The following OSGIN2 variants were observed in gnomAD, a reference collection of about 807,000 sequenced individuals.
OSGIN2 encodes the protein oxidative stress-induced growth inhibitor 2.
OSGIN2 carries 19 observed loss-of-function variants against 53.8 expected under a neutral mutation model. The ratio of observed to expected loss-of-function variants is 0.35; its 90% confidence interval spans 0.25 to 0.52. The LOEUF (loss-of-function observed/expected upper bound fraction) is 0.52. Ranked by LOEUF, OSGIN2 falls within the 20% of genes least tolerant of loss-of-function variation. OSGIN2 has a pLI of 0.95. For synonymous variants in OSGIN2, 236 were observed against 236.0 expected (o/e 1.00, Z 0.00); for missense variants, 520 against 662.7 (o/e 0.78, Z 2.36).
At chr8:89,903,040 C>G (rs1808759667) in intron 1 of OSGIN2, among the ~76,000 whole-genome samples, 1 of 152,286 alleles carries the variant, frequency 6.6e-6, no homozygotes, top group South Asian at 2.1e-4. Context: ...TGCGCTGTTC[C>G]CTTTTCTCGC....
chr8:89,917,218 G>A (rs1809098584), intron 4 of OSGIN2, among the ~76,000 whole-genome samples: 1 of 152,116 alleles, frequency 6.6e-6, no homozygotes, highest in African/African-American at 2.4e-5. Context: ...TCACTCCAGT[G>A]GCTCCACTGT....
At chr8:89,907,281 A>AC (rs547140746) in intron 1 of OSGIN2, among the ~76,000 whole-genome samples, 2 of 151,088 alleles carry the variant, frequency 1.3e-5, no homozygotes, top group East Asian at 1.9e-4. Flanking sequence ...CCATTTGTCA[A>AC]TTTTTTTTTG....
chr8:89,908,766 GAA>G (rs1278416917), intron 1 of OSGIN2, among the ~76,000 whole-genome samples: 1 of 151,890 alleles, frequency 6.6e-6, no homozygotes, highest in Non-Finnish European at 1.5e-5. Flanking sequence ...AATTGAGAAA[GAA>G]AAATTGGAAA....
In OSGIN2 at chr8:89,909,011, CAAAAAAA is replaced by C. The variant is rs35635974; in HGVS notation, c.45-535_45-529del. ...GGGTGACAGAGCAAGACCTTGTTTC[CAAAAAAA>C]AAAAAAAAAAAAAAAAAAAATATAT... is the stretch of plus-strand genomic sequence containing the variant. On this transcript the variant is annotated intron_variant, in intron 1 of 5. Coordinates refer to ENST00000451899, the MANE Select transcript of OSGIN2 (RefSeq NM_001126111.3). 4.4e-3 allele frequency among the ~76,000 whole-genome samples: 167 copies of C among 38,376 alleles called. 1 individual carries two copies. In the East Asian group the frequency reaches 0.077, roughly 18 times the overall value. The allele number at this position is 38,376 out of a possible 152,430, so 25.2% of individuals were successfully genotyped here.
chr8:89,923,434 T>A (rs1274463912), intron 5 of OSGIN2, among the ~76,000 whole-genome samples: 1 of 152,232 alleles, frequency 6.6e-6, no homozygotes, highest in African/African-American at 2.4e-5. Flanking sequence ...CAGTCCCTGA[T>A]TAATCATGGT....
At chr8:89,914,346 TA>T in intron 3 of OSGIN2, 133 bp downstream of exon 3, 1 of 707,202 alleles carries the variant, frequency 1.4e-6, no homozygotes, top group Non-Finnish European at 2.3e-6. Context: ...TTTAGATTCG[TA>T]AATGTATTCT....
chr8:89,918,091 C>T (rs537575944), intron 4 of OSGIN2, among the ~76,000 whole-genome samples: 2 of 152,292 alleles, frequency 1.3e-5, no homozygotes, highest in African/African-American at 4.8e-5. Flanking sequence ...TACCTTCTGC[C>T]ACCGGTTTTC....
intron 1 of OSGIN2, among the ~76,000 whole-genome samples, chr8:89,903,235 G>A (rs894157673): frequency 3.3e-5 from 5 of 152,208 alleles, no homozygotes; most frequent in South Asian, 2.1e-4. Context: ...AAGGAAGGTA[G>A]GGAACTACAT....
chr8:89,916,272 AG>A (rs1180406308), intron 4 of OSGIN2, among the ~76,000 whole-genome samples: 2 of 286 alleles, frequency 7.0e-3, no homozygotes, highest in South Asian at 0.083. Context: ...TAAAAAAGTT[AG>A]AAAGTATGGA....
At chr8:89,924,476 A>T in intron 5 of OSGIN2, 27 bp from the exon 6 acceptor site, 3 of 1,509,336 alleles carry the variant, frequency 2.0e-6, no homozygotes, top group Non-Finnish European at 2.7e-6. Flanking sequence ...GTATCCTTAT[A>T]GGATATTTTT....
At chr8:89,914,051 C>G (rs756430156) in intron 2 of OSGIN2, 26 bp from the exon 3 acceptor site, 15 of 1,601,830 alleles carry the variant, frequency 9.4e-6, no homozygotes, top group Non-Finnish European at 1.3e-5. Context: ...CATGACCTAC[C>G]CCTTTCCACC....
At chr8:89,920,520 T>C (rs1245199425) in intron 4 of OSGIN2, among the ~76,000 whole-genome samples, 1 of 152,194 alleles carries the variant, frequency 6.6e-6, no homozygotes, top group Admixed American at 6.5e-5. Context: ...CTCAGCTCGT[T>C]TGTTTCTCAG....
intron 1 of OSGIN2, 99 bp downstream of exon 1, chr8:89,902,936 G>C (rs940151930): frequency 1.2e-6 from 1 of 811,130 alleles, no homozygotes; most frequent in Non-Finnish European, 1.7e-6. Flanking sequence ...GAGGGCGAGC[G>C]CCTGGACCGC....
chr8:89,905,359 C>T (rs1474667006), intron 1 of OSGIN2, among the ~76,000 whole-genome samples: 12 of 151,884 alleles, frequency 7.9e-5, no homozygotes, highest in Admixed American at 7.2e-4. Context: ...ATTTGTGCCT[C>T]GAAGAAAAAG....
intron 5 of OSGIN2, 54 bp downstream of exon 5, chr8:89,921,225 G>C: frequency 3.9e-6 from 4 of 1,036,532 alleles, no homozygotes; most frequent in Non-Finnish European, 5.8e-6. Context: ...AAGAGAATGT[G>C]GAAAAATTTC....
chr8:89,922,165 G>C (rs1376533113), intron 5 of OSGIN2, among the ~76,000 whole-genome samples: 1 of 152,110 alleles, frequency 6.6e-6, no homozygotes, highest in African/African-American at 2.4e-5. Context: ...AAAATAAGAA[G>C]TTACGTAACC....
At chr8:89,907,257 A>T (rs1227522778) in intron 1 of OSGIN2, among the ~76,000 whole-genome samples, 1 of 149,858 alleles carries the variant, frequency 6.7e-6, no homozygotes, top group Non-Finnish European at 1.5e-5. Flanking sequence ...GAAGCTCGTT[A>T]GTTTAATTAG....
chr8:89,914,896 A>T, intron 4 of OSGIN2, 150 bp downstream of exon 4: 1 of 659,956 alleles, frequency 1.5e-6, no homozygotes, highest in Non-Finnish European at 2.5e-6. Flanking sequence ...TTAGTTAAAT[A>T]TGGGTTTATT....
Position 89,914,641 on chromosome 8 carries a change from T to C in OSGIN2, c.423T>C (p.Ala141=). The part of the protein sequence containing the change: ...VLFDTLLHPD[A]DFGYDYPSVL... The stretch of plus-strand genomic sequence containing the variant: ...TCGATACACTTCTTCATCCAGATGC[T>C]GACTTTGGGTATGATTATCCATCCG... The change falls in exon 4 of 6, where the codon GCT becomes GCC. Residue 141 remains alanine, a synonymous_variant. Coordinates refer to ENST00000451899, the MANE Select transcript of OSGIN2 (RefSeq NM_001126111.3). 6.2e-7 allele frequency: 1 copy of C among 1,613,970 alleles called. No homozygotes were observed. Among genetic ancestry groups the C allele is most frequent in the Non-Finnish European group, 8.5e-7 (1 of 1,179,792 alleles).
Sources: gnomAD v4.1 joint callset for allele counts (sites outside exome capture counted in the v4.1 genomes callset) on GRCh38, gnomAD v4.1.1 for gene constraint, MANE v1.5 for transcripts, NCBI Gene and HGNC (gene_info 2026-07-23, HGNC 2026-07-21) for gene names.